KATNBL1: variants seen among roughly 807,000 people sequenced by gnomAD.
The protein encoded by KATNBL1 is katanin regulatory subunit B1 like 1.
In KATNBL1, 28 loss-of-function variants were observed where a neutral mutation model predicts 44.7. That is an observed-to-expected ratio of 0.63 (90% CI 0.46 to 0.86). The LOEUF (loss-of-function observed/expected upper bound fraction) is 0.86. Ranked by LOEUF, KATNBL1 falls within the 40% of genes least tolerant of loss-of-function variation. The probability of loss-of-function intolerance (pLI) is 0.00; values close to 1 mark genes in which losing one functional copy is unlikely to be tolerated. For missense variants in KATNBL1, 272 were observed against 350.7 expected, an observed-to-expected ratio of 0.78 and a Z score of 1.79; for synonymous variants, 78 against 114.9, an observed-to-expected ratio of 0.68 and a Z score of 2.06.
chr15:34,148,478 C>T, intron 5 of KATNBL1, 154 bp downstream of exon 5: 1 of 539,710 alleles, frequency 1.9e-6, no homozygotes, highest in Non-Finnish European at 3.4e-6. Flanking sequence ...CTCTCAGCTA[C>T]TCAGGAGGCT....
intron 1 of KATNBL1, among the ~76,000 whole-genome samples, chr15:34,207,957 G>A (rs1419490661): frequency 6.6e-6 from 1 of 152,126 alleles, no homozygotes; most frequent in African/African-American, 2.4e-5. Flanking sequence ...TTTCGCAGAA[G>A]CTTTACCCAG....
At chr15:34,152,459 C>T (rs1187869275) in intron 4 of KATNBL1, among the ~76,000 whole-genome samples, 1 of 152,230 alleles carries the variant, frequency 6.6e-6, no homozygotes, top group Non-Finnish European at 1.5e-5. Context: ...ACCTCGGGCT[C>T]CAGGCGTGAG....
At chr15:34,157,678 C>G (rs567695950) in intron 2 of KATNBL1, among the ~76,000 whole-genome samples, 21 of 152,304 alleles carry the variant, frequency 1.4e-4, no homozygotes, top group Admixed American at 3.9e-4. Flanking sequence ...GGATTCTCAA[C>G]AGGGCAATGG....
intron 2 of KATNBL1, among the ~76,000 whole-genome samples, chr15:34,161,543 G>A (rs1041115796): frequency 6.6e-5 from 10 of 152,334 alleles, no homozygotes; most frequent in African/African-American, 9.6e-5. Context: ...TGCCAATCAC[G>A]CCTGGAGTGG....
chr15:34,192,454 T>C (rs932397670), intron 1 of KATNBL1, among the ~76,000 whole-genome samples: 1 of 151,006 alleles, frequency 6.6e-6, no homozygotes, highest in Non-Finnish European at 1.5e-5. Context: ...AGAAATAGGA[T>C]ACCAGACTAT....
At chr15:34,191,670 G>A (rs1889876299) in intron 1 of KATNBL1, among the ~76,000 whole-genome samples, 1 of 152,020 alleles carries the variant, frequency 6.6e-6, no homozygotes, top group Non-Finnish European at 1.5e-5. Flanking sequence ...CATCCTGGCT[G>A]GGCGCAGTGG....
intron 1 of KATNBL1, among the ~76,000 whole-genome samples, chr15:34,188,142 A>C (rs1191000969): frequency 2.9e-5 from 4 of 140,048 alleles, no homozygotes; most frequent in South Asian, 2.2e-4. Context: ...CCATGTAAAA[A>C]AAAAAAAAAA....
chr15:34,176,645 T>C (rs1889342235), intron 1 of KATNBL1, among the ~76,000 whole-genome samples: 1 of 152,182 alleles, frequency 6.6e-6, no homozygotes, highest in African/African-American at 2.4e-5. Flanking sequence ...TGCACAATTC[T>C]GTGTACACTT....
Position 34,148,635 on chromosome 15 carries a change from A to G in KATNBL1, c.554T>C (p.Leu185Ser), listed in dbSNP as rs2140902493. The G allele has an allele frequency of 6.6e-7, 1 of 1,525,658 alleles. No homozygotes were observed. Among genetic ancestry groups the G allele is most frequent in the East Asian group, 2.2e-5 (1 of 44,450 alleles). 94.5% of individuals were successfully genotyped at this position (1,525,658 alleles called of 1,614,324 possible). A position where few individuals can be genotyped will look rare whatever the true frequency, so the allele number is the denominator to read the frequency against. ...RSISELVAYL[L>S]RIEDLGVVVD... ...GAGGATAAAAGGTCACACTTACCTC[A>G]ACAAATAAGCTACAAGTTCACTTAT... The change falls in exon 5 of 10, where the codon TTG becomes TCG. Residue 185 changes from leucine to serine, a missense_variant. Coordinates refer to ENST00000256544, the MANE Select transcript of KATNBL1 (RefSeq NM_024713.3).
At position 34,193,851 on chromosome 15, in the gene KATNBL1, CAAAAAAAAA is replaced by C. The variant is rs58951561; in HGVS notation, c.-15+16091_-15+16099del. ...TGGGTGACAGAGAAAGGCCCTGTCT[CAAAAAAAAA>C]AAAAAAAAAAAAAAAAAAAATCACC... On this transcript the variant is annotated intron_variant, in intron 1 of 9. Transcript: ENST00000256544. Among the ~76,000 whole-genome samples, 77 of 63,566 alleles carry C rather than the reference CAAAAAAAAA, an allele frequency of 1.2e-3. 3 individuals carry two copies. Among genetic ancestry groups the C allele is most frequent in the Admixed American group, 3.1e-3 (12 of 3,872 alleles). 41.7% of individuals were successfully genotyped at this position (63,566 alleles called of 152,430 possible). A position where few individuals can be genotyped will look rare whatever the true frequency, so the allele number is the denominator to read the frequency against.
At chr15:34,181,144 G>A (rs571515809) in intron 1 of KATNBL1, among the ~76,000 whole-genome samples, 71 of 150,738 alleles carry the variant, frequency 4.7e-4, no homozygotes, top group African/African-American at 1.7e-3. Flanking sequence ...TAGTGCTGTA[G>A]ATTTTAATGG....
chr15:34,143,953 C>A (rs1450734458), intron 9 of KATNBL1, among the ~76,000 whole-genome samples: 5 of 103,046 alleles, frequency 4.9e-5, no homozygotes, highest in Non-Finnish European at 8.6e-5. Context: ...GGCGACAGAG[C>A]GAGATTCCAT....
intron 5 of KATNBL1, among the ~76,000 whole-genome samples, chr15:34,147,893 G>T (rs935877786): frequency 7.9e-5 from 12 of 151,910 alleles, no homozygotes; most frequent in African/African-American, 2.9e-4. Context: ...TAAGAAACGG[G>T]TCTCATTCGG....
At chr15:34,196,789 T>C (rs1890041283) in intron 1 of KATNBL1, among the ~76,000 whole-genome samples, 1 of 152,234 alleles carries the variant, frequency 6.6e-6, no homozygotes, top group African/African-American at 2.4e-5. Context: ...CTATAATTTA[T>C]AGTTTGGGCT....
intron 1 of KATNBL1, among the ~76,000 whole-genome samples, chr15:34,186,318 A>G (rs1455567721): frequency 1.3e-5 from 2 of 152,184 alleles, no homozygotes; most frequent in Admixed American, 6.5e-5. Flanking sequence ...GGAGGTCCCC[A>G]TGCCGCTGCA....
At chr15:34,171,728 C>CAT (rs889390182) in intron 1 of KATNBL1, among the ~76,000 whole-genome samples, 10 of 152,118 alleles carry the variant, frequency 6.6e-5, no homozygotes, top group South Asian at 2.1e-4. Context: ...AAATGTGGCA[C>CAT]ATATATATCA....
In KATNBL1 at chr15:34,164,989, T is replaced by C. The variant is rs561297767; in HGVS notation, c.-14-1299A>G. Among the ~76,000 whole-genome samples the C allele has an allele frequency of 5.3e-5, 8 of 152,362 alleles. No homozygotes were observed. In the South Asian group the frequency reaches 1.7e-3, roughly 32 times the overall value. ...GAACATACACATGAAATTTTACAAATAATTTCAGCGAAAGATTTCTTACAG... is the reference window on the plus strand; with the variant it reads ...GAACATACACATGAAATTTTACAAACAATTTCAGCGAAAGATTTCTTACAG... On this transcript the variant is annotated intron_variant, in intron 1 of 9. Transcript: ENST00000256544.
intron 2 of KATNBL1, among the ~76,000 whole-genome samples, chr15:34,160,128 CTTTTAAAGTGACCTAATT>C (rs1888752684): frequency 6.6e-6 from 1 of 152,168 alleles, no homozygotes; most frequent in Non-Finnish European, 1.5e-5. Context: ...GGGACATTTT[CTTTTAAAGTGACCTAATT>C]TTCCACATTT....
intron 1 of KATNBL1, among the ~76,000 whole-genome samples, chr15:34,174,980 C>T (rs1889281315): frequency 6.6e-6 from 1 of 151,824 alleles, no homozygotes; most frequent in African/African-American, 2.4e-5. Context: ...AGGTTGGTGG[C>T]TCATGCCTGT....
Sources: gnomAD v4.1 joint callset for allele counts (sites outside exome capture counted in the v4.1 genomes callset) on GRCh38, gnomAD v4.1.1 for gene constraint, MANE v1.5 for transcripts, NCBI Gene and HGNC (gene_info 2026-07-23, HGNC 2026-07-21) for gene names.